KYNU: variants seen among roughly 807,000 people sequenced by gnomAD.
KYNU encodes L-kynurenine hydrolase.
In KYNU, 54 loss-of-function variants were observed where a neutral mutation model predicts 59.2. The observed-to-expected ratio is 0.91, with a 90% CI of 0.73 to 1.14. The LOEUF (loss-of-function observed/expected upper bound fraction) is 1.14, where lower values mean the gene tolerates loss of function less well. Ranked by LOEUF, KYNU falls within the 50% of genes most tolerant of loss-of-function variation. The pLI is 0.00. For synonymous variants in KYNU, 177 were observed against 192.0 expected (o/e 0.92, Z 0.65); for missense variants, 567 against 554.4 (o/e 1.02, Z -0.23).
intron 10 of KYNU, among the ~76,000 whole-genome samples, chr2:143,017,782 TG>T (rs1376101128): frequency 6.6e-6 from 1 of 151,960 alleles, no homozygotes; most frequent in African/African-American, 2.4e-5. Context: ...TGGTGTGAGG[TG>T]GTGTATCATT....
At chr2:142,918,846 G>A (rs1682771222) in intron 3 of KYNU, 117 bp downstream of exon 3, 1 of 1,195,862 alleles carries the variant, frequency 8.4e-7, no homozygotes, top group Admixed American at 2.0e-5. Flanking sequence ...GTCATCCCTT[G>A]GCATCTGTGG....
intron 4 of KYNU, among the ~76,000 whole-genome samples, chr2:142,936,820 A>G (rs1004790884): frequency 5.3e-5 from 8 of 151,848 alleles, no homozygotes; most frequent in Admixed American, 6.6e-5. Context: ...GCTGTGGCCT[A>G]CTCTCTGGGG....
intron 10 of KYNU, among the ~76,000 whole-genome samples, chr2:142,999,919 G>A (rs1685662556): frequency 6.6e-6 from 1 of 151,994 alleles, no homozygotes; most frequent in Non-Finnish European, 1.5e-5. Flanking sequence ...AACATGTAGA[G>A]CATTCATCTT....
intron 4 of KYNU, among the ~76,000 whole-genome samples, chr2:142,930,748 C>T (rs1683181382): frequency 6.6e-6 from 1 of 152,176 alleles, no homozygotes. Flanking sequence ...ATTTGTAGGC[C>T]TATCCCCAAA....
At chr2:143,039,994 G>A (rs1330483500) in intron 12 of KYNU, among the ~76,000 whole-genome samples, 2 of 152,022 alleles carry the variant, frequency 1.3e-5, no homozygotes, top group African/African-American at 4.8e-5. Flanking sequence ...CATGCTTTAA[G>A]GCCCAGGGAA....
rs956352480 is a variant in KYNU at position 142,897,263 on chromosome 2, G to A, written c.169+11727G>A. On this transcript the variant is annotated intron_variant, in intron 2 of 13. Transcript: ENST00000264170. ...CAGTTACATTCATTTGGTTCCTGGC[G>A]TTTTTCAGTTCTGGGGATTATTTGT... Among the ~76,000 whole-genome samples, 8 of 152,280 alleles carry A rather than the reference G, an allele frequency of 5.3e-5. No homozygotes were observed. The South Asian group carries it at 8.3e-4, about 16-fold the overall frequency.
intron 10 of KYNU, among the ~76,000 whole-genome samples, chr2:142,992,013 C>T (rs1010352049): frequency 6.6e-6 from 1 of 151,892 alleles, no homozygotes; most frequent in Non-Finnish European, 1.5e-5. Flanking sequence ...CTATGAATTA[C>T]TCTACAAATT....
chr2:143,000,395 C>T (rs919943783), intron 10 of KYNU, among the ~76,000 whole-genome samples: 1 of 152,116 alleles, frequency 6.6e-6, no homozygotes, highest in East Asian at 1.9e-4. Flanking sequence ...TATAAATAAA[C>T]TCTATAAAGA....
At chr2:143,011,717 G>C (rs1686104298) in intron 10 of KYNU, among the ~76,000 whole-genome samples, 1 of 87,426 alleles carries the variant, frequency 1.1e-5, no homozygotes, top group African/African-American at 5.1e-5. Flanking sequence ...TATACACCAT[G>C]GAATACTATG....
At chr2:143,019,812 T>C (rs1418891982) in intron 10 of KYNU, among the ~76,000 whole-genome samples, 1 of 152,104 alleles carries the variant, frequency 6.6e-6, no homozygotes, top group Non-Finnish European at 1.5e-5. Context: ...GGGAGGCTTT[T>C]TATTATTGCT....
chr2:142,941,603 G>A (rs1461293233), intron 4 of KYNU, among the ~76,000 whole-genome samples: 1 of 152,148 alleles, frequency 6.6e-6, no homozygotes. Context: ...CAGTGGTCTG[G>A]GTTGTAAATC....
At chr2:143,005,696 A>G (rs375844669) in intron 10 of KYNU, among the ~76,000 whole-genome samples, 5 of 151,946 alleles carry the variant, frequency 3.3e-5, no homozygotes, top group Non-Finnish European at 5.9e-5. Context: ...AAGAGAAAAA[A>G]CCTGGAACTA....
In KYNU at chr2:143,043,779, ATT is replaced by A. The variant is rs1354468051; in HGVS notation, c.*1609_*1610del. On this transcript the variant is annotated 3_prime_UTR_variant, in exon 14 of 14. Coordinates refer to ENST00000264170, the MANE Select transcript of KYNU (RefSeq NM_003937.3). ...TATATTTATATTTATATATTTATAT[ATT>A]TATATTTTAATATATTTATATAAAT... 1 of 138,948 alleles carries A rather than the reference ATT, an allele frequency of 7.2e-6. No homozygotes were observed. The highest frequency in any genetic ancestry group is 2.6e-5 in the African/African-American group (1 of 38,468). The allele number at this position is 138,948 out of a possible 1,614,324, so 8.6% of individuals were successfully genotyped here.
chr2:142,963,971 A>G (rs1180158344), intron 8 of KYNU, among the ~76,000 whole-genome samples: 1 of 152,178 alleles, frequency 6.6e-6, no homozygotes, highest in Non-Finnish European at 1.5e-5. Context: ...TCAGTGTTCA[A>G]AAAGTTTTGG....
At chr2:142,998,731 C>T (rs2105182196) in intron 10 of KYNU, among the ~76,000 whole-genome samples, 2 of 152,050 alleles carry the variant, frequency 1.3e-5, no homozygotes, top group East Asian at 3.9e-4. Flanking sequence ...CTTCTGTGAC[C>T]AGGCGCAGAG....
intron 10 of KYNU, among the ~76,000 whole-genome samples, chr2:142,998,040 C>G (rs925753915): frequency 6.6e-6 from 1 of 152,116 alleles, no homozygotes; most frequent in Non-Finnish European, 1.5e-5. Flanking sequence ...TTATGATGTT[C>G]AAAGAACACA....
At chr2:142,906,954 C>T (rs1682318128) in intron 2 of KYNU, among the ~76,000 whole-genome samples, 1 of 152,190 alleles carries the variant, frequency 6.6e-6, no homozygotes, top group African/African-American at 2.4e-5. Context: ...AGCCTTTTCC[C>T]AGGAAGCCTC....
rs538110746 is a variant in KYNU, at chr2:143,037,736, A to G, written c.1042-2692A>G. Reference sequence around the variant, plus strand: ...TCAAACCACAGTTTTCATTTTTTCTAATTTAAAAAAATTATTTTCTCAATA... The same window carrying G: ...TCAAACCACAGTTTTCATTTTTTCTGATTTAAAAAAATTATTTTCTCAATA... On this transcript the variant is annotated intron_variant, in intron 12 of 13. Transcript: ENST00000264170. Among the ~76,000 whole-genome samples, 358 of 152,268 alleles carry G rather than the reference A, an allele frequency of 2.4e-3. 1 individual carries two copies. The highest frequency in any genetic ancestry group is 4.0e-3 in the Non-Finnish European group (275 of 68,002).
In KYNU at chr2:142,919,327, CATTTT is replaced by C. The variant is rs1397048280; in HGVS notation, c.290+608_290+612del. ...TTGACATCTCTAAACCACATGTAAT[CATTTT>C]ATTTTATTTCTTTAGTAACTAACAG... On this transcript the variant is annotated intron_variant, in intron 3 of 13. Transcript: ENST00000264170. 5.3e-5 allele frequency among the ~76,000 whole-genome samples: 8 copies of C among 152,310 alleles called. No individual in the cohort carries two copies. The East Asian group carries it at 1.2e-3, about 22-fold the overall frequency.
Sources: allele counts gnomAD v4.1 joint callset (sites outside exome capture counted in the v4.1 genomes callset), GRCh38; gene constraint gnomAD v4.1.1; transcripts MANE v1.5; gene names NCBI Gene and HGNC (gene_info 2026-07-23, HGNC 2026-07-21).